The following KIFAP3 variants were observed in gnomAD, a reference collection of about 807,000 sequenced individuals.
The protein encoded by KIFAP3 is kinesin-associated protein 3.
In KIFAP3, 68 loss-of-function variants were observed where a neutral mutation model predicts 106.5. That is an observed-to-expected ratio of 0.64 (90% confidence interval 0.53 to 0.78). The LOEUF is 0.78. KIFAP3 is among the 30% of genes least tolerant of loss of function. The pLI is 0.00. For synonymous variants in KIFAP3, 320 were observed against 311.5 expected, an observed-to-expected ratio of 1.03 and a Z score of -0.29; for missense variants, 780 against 941.8, an observed-to-expected ratio of 0.83 and a Z score of 2.25.
At chr1:169,985,799 G>A in intron 11 of KIFAP3, among the ~76,000 whole-genome samples, 2 of 151,784 alleles carry the variant, frequency 1.3e-5, no homozygotes, top group East Asian at 3.9e-4. Context: ...AAGAGGGTCT[G>A]AAAAACAACA....
At chr1:169,967,037 A>AT (rs34403850) in intron 17 of KIFAP3, among the ~76,000 whole-genome samples, 108,539 of 151,514 alleles carry the variant, frequency 0.72, 38,871 homozygotes, top group East Asian at 0.84. Context: ...TGAAAATGAA[A>AT]TATTTTAGCT....
chr1:170,041,702 A>G, intron 3 of KIFAP3: 1 of 1,535,292 alleles, frequency 6.5e-7, no homozygotes, highest in Non-Finnish European at 8.7e-7. Flanking sequence ...CTTGGAGTAC[A>G]GAAACAGTTT....
chr1:170,053,228 C>T (rs1396951794), intron 2 of KIFAP3, among the ~76,000 whole-genome samples: 22 of 151,942 alleles, frequency 1.4e-4, no homozygotes, highest in Non-Finnish European at 2.4e-4. Context: ...AAATCATGAG[C>T]GAACTTCCAT....
intron 2 of KIFAP3, among the ~76,000 whole-genome samples, chr1:170,050,247 T>C (rs542482708): frequency 2.4e-4 from 37 of 152,018 alleles, no homozygotes; most frequent in African/African-American, 8.0e-4. Context: ...AGATTAGAGA[T>C]TGAAGATCAC....
chr1:169,961,140 A>T lies in KIFAP3; in HGVS notation c.2079T>A (p.Asp693Glu), dbSNP rs371465763. Reference protein sequence around the residue: ...WLEMVESRQMDESEQYLYGDD... With the variant: ...WLEMVESRQMEESEQYLYGDD... ...CACCATACAAGTACTGCTCACTCTC[A>T]TCCATCTGACGACTCTCTACCATCT... is the stretch of plus-strand genomic sequence containing the variant. The change falls in exon 18 of 20, where the codon GAT becomes GAA. Residue 693 changes from aspartate (D) to glutamate (E), a missense_variant. Physicochemically the swap from Asp to Glu is conservative, Grantham distance 45. Coordinates refer to ENST00000361580, the MANE Select transcript of KIFAP3 (RefSeq NM_014970.4). 6.2e-7 allele frequency: 1 copy of T among 1,612,548 alleles called. No individual in the cohort carries two copies. Among genetic ancestry groups the T allele is most frequent in the African/African-American group, 1.3e-5 (1 of 74,882 alleles).
chr1:170,014,911 T>C (rs1407986029), intron 10 of KIFAP3, among the ~76,000 whole-genome samples: 1 of 152,160 alleles, frequency 6.6e-6, no homozygotes, highest in East Asian at 1.9e-4. Context: ...AAGTTGAATA[T>C]AGTTATTACC....
intron 3 of KIFAP3, 113 bp downstream of exon 3, chr1:170,046,599 C>T (rs1371064228): frequency 4.8e-6 from 4 of 828,870 alleles, no homozygotes; most frequent in Non-Finnish European, 7.2e-6. Flanking sequence ...TGAAAAAAAC[C>T]TACCCAACAT....
At chr1:170,077,655 A>C (rs891287544), upstream of KIFAP3, among the ~76,000 whole-genome samples, 1 of 152,218 alleles carries the variant, frequency 6.6e-6, no homozygotes, top group Non-Finnish European at 1.5e-5. Flanking sequence ...AATTACCTGC[A>C]CAATCATAGA....
Position 170,055,272 on chromosome 1 carries a change from T to C in KIFAP3, c.164+33A>G. 1 of 1,573,758 alleles carries C rather than the reference T, an allele frequency of 6.4e-7. No individual in the cohort carries two copies. Among genetic ancestry groups the C allele is most frequent in the Non-Finnish European group, 8.6e-7 (1 of 1,160,602 alleles). On this transcript the variant is annotated intron_variant, in intron 2 of 19. Coordinates refer to ENST00000361580, the MANE Select transcript of KIFAP3 (RefSeq NM_014970.4). ...TGTATAAAGTTTATATAATGTTCACTACTTTCAAAATGTGCACAAATAAAG... is the reference window on the plus strand; with the variant it reads ...TGTATAAAGTTTATATAATGTTCACCACTTTCAAAATGTGCACAAATAAAG...
chr1:170,082,762 C>T (rs944545297), intron 1 of KIFAP3, among the ~76,000 whole-genome samples: 34 of 152,020 alleles, frequency 2.2e-4, no homozygotes, highest in African/African-American at 7.7e-4. Context: ...CAGTTGAGGT[C>T]AGGAGTTCGA....
chr1:169,965,724 CCTT>C (rs535946845), intron 17 of KIFAP3, among the ~76,000 whole-genome samples: 12 of 151,936 alleles, frequency 7.9e-5, no homozygotes, highest in Non-Finnish European at 1.2e-4. Context: ...CTAACTTTAG[CCTT>C]CTTATCACCC....
intron 19 of KIFAP3, chr1:169,923,018 TG>T: frequency 1.2e-6 from 1 of 836,980 alleles, no homozygotes; most frequent in Non-Finnish European, 1.4e-6. Context: ...TGTATTAAGA[TG>T]GAACTAAAGA....
At position 169,981,016 on chromosome 1, in the gene KIFAP3, G is replaced by A. The variant is rs150787821; in HGVS notation, c.1798+956C>T. Among the ~76,000 whole-genome samples, 453 of 152,116 alleles carry A rather than the reference G, an allele frequency of 3.0e-3. 1 individual carries two copies. The highest frequency in any genetic ancestry group is 9.0e-3 in the African/African-American group (373 of 41,508). On this transcript the variant is annotated intron_variant, in intron 15 of 19. Transcript: ENST00000361580. ...CTCAGGAGGCTGAGGCAGGAGAATC[G>A]CTTGAACCCGGGAGGCGGAGGTTGT...
intron 2 of KIFAP3, among the ~76,000 whole-genome samples, chr1:170,050,466 A>G (rs1670519044): frequency 6.6e-6 from 1 of 152,224 alleles, no homozygotes. Context: ...AGACAGGCCA[A>G]CATTCAAATT....
intron 19 of KIFAP3, 76 bp downstream of exon 19, chr1:169,953,935 T>A: frequency 1.1e-6 from 1 of 930,662 alleles, no homozygotes; most frequent in East Asian, 2.4e-5. Flanking sequence ...AGAAGAGAAA[T>A]GGAGAGTGAA....
chr1:169,940,146 T>C (rs1558179902), intron 19 of KIFAP3, among the ~76,000 whole-genome samples: 1 of 152,180 alleles, frequency 6.6e-6, no homozygotes, highest in Non-Finnish European at 1.5e-5. Flanking sequence ...TTCATTGTAA[T>C]AGAAGAAAGG....
intron 19 of KIFAP3, 27 bp from the exon 20 acceptor site, chr1:169,921,808 G>A (rs1383407066): frequency 6.5e-7 from 1 of 1,544,756 alleles, no homozygotes; most frequent in Non-Finnish European, 8.9e-7. Flanking sequence ...AGAATGATAA[G>A]CTATGTTTTT....
At chr1:169,992,351 A>G (rs1321172104) in intron 10 of KIFAP3, 96 bp from the exon 11 acceptor site, 1 of 503,562 alleles carries the variant, frequency 2.0e-6, no homozygotes. Context: ...ACTGAATAAA[A>G]TCTTTATATA....
intron 19 of KIFAP3, among the ~76,000 whole-genome samples, chr1:169,930,135 T>G (rs1663380899): frequency 6.6e-6 from 1 of 152,222 alleles, no homozygotes; most frequent in South Asian, 2.1e-4. Flanking sequence ...GATGTTATAC[T>G]TGGTACTTTT....
Sources: allele counts gnomAD v4.1 joint callset (sites outside exome capture counted in the v4.1 genomes callset), GRCh38; gene constraint gnomAD v4.1.1; transcripts MANE v1.5; gene names NCBI Gene and HGNC (gene_info 2026-07-23, HGNC 2026-07-21).